Variants in ST6GALNAC3 observed in about 807,000 individuals in gnomAD.
ST6GALNAC3 encodes alpha-N-acetylgalactosaminide alpha-2,6-sialyltransferase 3.
In ST6GALNAC3, 25 loss-of-function variants were observed where a neutral mutation model predicts 32.7. That is an observed-to-expected ratio of 0.76 (90% CI 0.56 to 1.07). The LOEUF (loss-of-function observed/expected upper bound fraction) is 1.07. Among genes scored for constraint, ST6GALNAC3 ranks in the 50% least tolerant of loss-of-function variants. The pLI is 0.00. For synonymous variants in ST6GALNAC3, 129 were observed against 133.1 expected, an observed-to-expected ratio of 0.97 and a Z score of 0.21; for missense variants, 355 against 382.4, an observed-to-expected ratio of 0.93 and a Z score of 0.60.
chr1:76,350,160 A>G (rs1402997494), intron 2 of ST6GALNAC3, among the ~76,000 whole-genome samples: 1 of 152,112 alleles, frequency 6.6e-6, no homozygotes, highest in Admixed American at 6.5e-5. Context: ...AACCTAGCTC[A>G]TTTCAAAATC....
intron 1 of ST6GALNAC3, among the ~76,000 whole-genome samples, chr1:76,092,362 G>A (rs955145185): frequency 2.6e-5 from 4 of 152,222 alleles, no homozygotes; most frequent in Non-Finnish European, 5.9e-5. Flanking sequence ...CCTTGGTAAA[G>A]AAGTATCTTA....
chr1:76,076,430 G>A (rs1056965913), intron 1 of ST6GALNAC3, among the ~76,000 whole-genome samples: 1 of 152,200 alleles, frequency 6.6e-6, no homozygotes, highest in African/African-American at 2.4e-5. Flanking sequence ...TGAAACTAAT[G>A]TGGGCTTTAG....
chr1:76,623,214 G>C (rs1244735045), intron 3 of ST6GALNAC3, among the ~76,000 whole-genome samples: 2 of 151,952 alleles, frequency 1.3e-5, no homozygotes, highest in African/African-American at 4.8e-5. Context: ...TCAAGGTCTT[G>C]ACGGCATCAT....
chr1:76,087,195 G>A (rs933320506), intron 1 of ST6GALNAC3, among the ~76,000 whole-genome samples: 1 of 152,084 alleles, frequency 6.6e-6, no homozygotes, highest in Non-Finnish European at 1.5e-5. Context: ...GGTAAATTAA[G>A]GTTTGTTTTT....
At chr1:76,145,328 AC>A (rs1192246245) in intron 1 of ST6GALNAC3, among the ~76,000 whole-genome samples, 5 of 152,050 alleles carry the variant, frequency 3.3e-5, no homozygotes. Flanking sequence ...ATTTCATCCA[AC>A]CCCGCTGCCC....
In ST6GALNAC3 at chr1:76,628,703, C is replaced by T. The variant is rs750135866; in HGVS notation, c.815C>T (p.Ala272Val). ...GATGAATATTTTCTTCATGAACATG[C>T]CCCATATGGGGGTCATAGGTTTATC... ...ECDEYFLHEH[A>V]PYGGHRFITE... Residue 272 changes from alanine (A) to valine (V), a missense_variant, in exon 5 of 5, where the codon GCC becomes GTC. Transcript: ENST00000328299. The T allele has an allele frequency of 1.2e-6, 2 of 1,612,200 alleles. No individual in the cohort carries two copies. The highest frequency in any genetic ancestry group is 1.7e-5 in the Admixed American group (1 of 59,894).
At chr1:76,577,943 A>G (rs940447800) in intron 3 of ST6GALNAC3, among the ~76,000 whole-genome samples, 1 of 152,142 alleles carries the variant, frequency 6.6e-6, no homozygotes, top group Admixed American at 6.6e-5. Context: ...TCAAAAAATG[A>G]CAATGACAGA....
At chr1:76,375,055 C>T (rs925326971) in intron 2 of ST6GALNAC3, among the ~76,000 whole-genome samples, 2 of 152,030 alleles carry the variant, frequency 1.3e-5, no homozygotes, top group Admixed American at 1.3e-4. Flanking sequence ...TTGCAAATTT[C>T]AAGAGGTTCC....
intron 3 of ST6GALNAC3, among the ~76,000 whole-genome samples, chr1:76,440,976 C>G (rs937864447): frequency 6.6e-6 from 1 of 150,774 alleles, no homozygotes; most frequent in African/African-American, 2.4e-5. Context: ...TAGTCCCAAC[C>G]ACTTGGGAGG....
chr1:76,614,791 C>G (rs1648186210), intron 3 of ST6GALNAC3, among the ~76,000 whole-genome samples: 1 of 138,272 alleles, frequency 7.2e-6, no homozygotes, highest in African/African-American at 2.9e-5. Flanking sequence ...GCCCACAGGA[C>G]AATAAAATCA....
chr1:76,464,781 T>C (rs1237446758), intron 3 of ST6GALNAC3, among the ~76,000 whole-genome samples: 13 of 152,160 alleles, frequency 8.5e-5, no homozygotes, highest in Non-Finnish European at 2.9e-5. Context: ...TTCCACTTTA[T>C]AGACAGAGAA....
At chr1:76,395,590 G>GACAC (rs1203038128) in intron 2 of ST6GALNAC3, among the ~76,000 whole-genome samples, 1 of 151,414 alleles carries the variant, frequency 6.6e-6, no homozygotes, top group African/African-American at 2.4e-5. Context: ...CACACACACA[G>GACAC]ACACACACGC....
intron 3 of ST6GALNAC3, among the ~76,000 whole-genome samples, chr1:76,541,294 T>G (rs1663973779): frequency 6.6e-6 from 1 of 152,026 alleles, no homozygotes; most frequent in African/African-American, 2.4e-5. Context: ...GGAACGTGGA[T>G]CCAAGGGTCA....
At chr1:76,285,814 A>G (rs552788819) in intron 1 of ST6GALNAC3, among the ~76,000 whole-genome samples, 2 of 152,138 alleles carry the variant, frequency 1.3e-5, no homozygotes, top group South Asian at 4.2e-4. Flanking sequence ...AGGAAGATAC[A>G]TGCAGAGTGA....
intron 3 of ST6GALNAC3, among the ~76,000 whole-genome samples, chr1:76,623,960 G>C (rs1278807286): frequency 6.6e-6 from 1 of 151,916 alleles, no homozygotes; most frequent in African/African-American, 2.4e-5. Flanking sequence ...TCCACTGCAA[G>C]CATCATTGTA....
At chr1:76,584,358 G>T (rs769670989) in intron 3 of ST6GALNAC3, among the ~76,000 whole-genome samples, 1 of 152,164 alleles carries the variant, frequency 6.6e-6, no homozygotes, top group Non-Finnish European at 1.5e-5. Context: ...GAATGAATAT[G>T]TTGTAAGCCT....
At chr1:76,576,415 T>C (rs1215837004) in intron 3 of ST6GALNAC3, among the ~76,000 whole-genome samples, 4 of 152,070 alleles carry the variant, frequency 2.6e-5, no homozygotes, top group African/African-American at 9.7e-5. Flanking sequence ...TTTGAATTGC[T>C]TCCTGCAAAG....
At chr1:76,540,866 A>C (rs1369373739) in intron 3 of ST6GALNAC3, among the ~76,000 whole-genome samples, 3 of 152,232 alleles carry the variant, frequency 2.0e-5, no homozygotes, top group Admixed American at 2.0e-4. Context: ...AAATAATAAC[A>C]CTGACCTTTG....
At chr1:76,514,274 C>T (rs532899661) in intron 3 of ST6GALNAC3, among the ~76,000 whole-genome samples, 2 of 152,116 alleles carry the variant, frequency 1.3e-5, no homozygotes, top group East Asian at 3.9e-4. Flanking sequence ...GTTTTTATCA[C>T]GAAGGGTGTT....
Sources: allele counts gnomAD v4.1 joint callset (sites outside exome capture counted in the v4.1 genomes callset), GRCh38; gene constraint gnomAD v4.1.1; transcripts MANE v1.5; gene names NCBI Gene and HGNC (gene_info 2026-07-23, HGNC 2026-07-21).